The following MED18 variants were observed in gnomAD, a reference collection of about 807,000 sequenced individuals.
The protein encoded by MED18 is mediator complex subunit 18, also known as mediator of RNA polymerase II transcription subunit 18.
A neutral mutation model predicts 13.9 loss-of-function variants in MED18; 10 were observed. That is an observed-to-expected ratio of 0.72 (90% CI 0.44 to 1.22). The LOEUF is 1.22. Among genes scored for constraint, MED18 ranks in the 50% most tolerant of loss-of-function variants. The pLI is 0.00. For missense variants in MED18, 216 were observed against 279.0 expected (o/e 0.77, Z 1.61); for synonymous variants, 88 against 93.2 (o/e 0.94, Z 0.32).
rs1349274249 is a variant in MED18, at chr1:28,334,661, G to A, written c.318G>A (p.Val106=). Residue 106 remains valine (V), a synonymous_variant, in exon 3 of 3, where the codon GTG becomes GTA. Coordinates refer to ENST00000373842, the MANE Select transcript of MED18 (RefSeq NM_017638.3). ...GCCATGCCCTGGTGCGAAACTGCGT[G>A]GACATTGCCACATCTGAGAACCTCA... ...KNRHALVRNC[V]DIATSENLTD... is the part of the protein sequence containing the mutation. 7.4e-6 allele frequency: 12 copies of A among 1,614,186 alleles called. No homozygotes were observed. The highest frequency in any genetic ancestry group is 1.0e-5 in the Non-Finnish European group (12 of 1,180,030).
rs546917542 is a variant in MED18, at chr1:28,330,704, C to T, written c.42C>T (p.Gly14=). The change falls in exon 2 of 3, where the codon GGC becomes GGT. Residue 14 remains glycine (G), a synonymous_variant. Coordinates refer to ENST00000373842, the MANE Select transcript of MED18 (RefSeq NM_017638.3). ...TCACCATGATGCCTGTCACTGGGGG[C>T]ACCATTAACATGATGGAGTACCTGT... ...PPVTMMPVTG[G]TINMMEYLLQ... is the part of the protein sequence containing the mutation. 3.1e-6 allele frequency: 5 copies of T among 1,602,904 alleles called. No homozygotes were observed. The South Asian group carries it at 5.6e-5, about 18-fold the overall frequency.
At chr1:28,333,551 A>G (rs1162207598) in intron 2 of MED18, among the ~76,000 whole-genome samples, 1 of 152,194 alleles carries the variant, frequency 6.6e-6, no homozygotes, top group Non-Finnish European at 1.5e-5. Flanking sequence ...CAGAAGAGGA[A>G]AACTTTTCCT....
rs1649862942 is a variant in MED18 at position 28,334,579 on chromosome 1, C to CA, written c.237dup (p.Gly80ArgfsTer33). 1 of 1,614,158 alleles carries CA rather than the reference C, an allele frequency of 6.2e-7. No individual in the cohort carries two copies. Among genetic ancestry groups the CA allele is most frequent in the African/African-American group, 1.3e-5 (1 of 75,046 alleles). On this transcript the variant is annotated frameshift_variant, in exon 3 of 3. Transcript: ENST00000373842. LOFTEE classifies it high-confidence loss of function. ...AGGGCCCGACGCTCTATGGACAGGG[C>CA]AGGGGCACCCTGGCATCTGCGCTAC...
chr1:28,331,911 T>G (rs1029474818), intron 2 of MED18, among the ~76,000 whole-genome samples: 2 of 152,064 alleles, frequency 1.3e-5, no homozygotes, highest in African/African-American at 4.8e-5. Context: ...GCCAGCTAAT[T>G]TTTGTATTTT....
At chr1:28,331,873 A>G (rs1189442725) in intron 2 of MED18, among the ~76,000 whole-genome samples, 1 of 151,958 alleles carries the variant, frequency 6.6e-6, no homozygotes, top group Non-Finnish European at 1.5e-5. Flanking sequence ...CCTCCTGAGT[A>G]GCGGGATTAC....
In MED18 at chr1:28,334,979, A is replaced by T; in HGVS notation, c.*9A>T. The stretch of plus-strand genomic sequence containing the variant: ...CCAAGAGGCTCATGTGACTAAGAGG[A>T]TCTGTCCACATTTGGGGCCTATCCT... On this transcript the variant is annotated 3_prime_UTR_variant, in exon 3 of 3. Coordinates refer to ENST00000373842, the MANE Select transcript of MED18 (RefSeq NM_017638.3). The T allele has an allele frequency of 6.2e-7, 1 of 1,602,828 alleles. No individual in the cohort carries two copies. The highest frequency in any genetic ancestry group is 8.5e-7 in the Non-Finnish European group (1 of 1,172,012).
chr1:28,334,889 C>T lies in MED18; in HGVS notation c.546C>T (p.Val182=). 1 of 1,614,118 alleles carries T rather than the reference C, an allele frequency of 6.2e-7. No individual in the cohort carries two copies. Among genetic ancestry groups the T allele is most frequent in the Non-Finnish European group, 8.5e-7 (1 of 1,180,020 alleles). Residue 182 remains valine (V), a synonymous_variant, in exon 3 of 3, where the codon GTC becomes GTT. Transcript: ENST00000373842. ...TAGCACCCGCTGGGCAGGACATGGTCTCTGATGACATGAAGAACTTCGCAG... is the reference window on the plus strand; with the variant it reads ...TAGCACCCGCTGGGCAGGACATGGTTTCTGATGACATGAAGAACTTCGCAG... ...SVVAPAGQDM[V]SDDMKNFAEQ...
rs1339762484 is a variant in MED18 at position 28,334,875 on chromosome 1, GGGCAGGACAT to G, written c.535_544del (p.Gln179SerfsTer5). ...GGAATTAAGTGTGGTAGCACCCGCTGGGCAGGACATGGTCTCTGATGACATGAAGAACTTC... is the reference window on the plus strand; with the variant it reads ...GGAATTAAGTGTGGTAGCACCCGCTGGGTCTCTGATGACATGAAGAACTTC... On this transcript the variant is annotated frameshift_variant, in exon 3 of 3. Coordinates refer to ENST00000373842, the MANE Select transcript of MED18 (RefSeq NM_017638.3). LOFTEE classifies it high-confidence loss of function. 3.1e-6 allele frequency: 5 copies of G among 1,614,000 alleles called. No homozygotes were observed. Among genetic ancestry groups the G allele is most frequent in the Admixed American group, 1.7e-5 (1 of 59,968 alleles).
In MED18 at chr1:28,334,792, G is replaced by T. The variant is rs761551850; in HGVS notation, c.449G>T (p.Arg150Leu). The T allele has an allele frequency of 2.5e-6, 4 of 1,614,124 alleles. No homozygotes were observed. In the Admixed American group the frequency reaches 6.7e-5, roughly 27 times the overall value. ...IMKIMVYKIF[R>L]ILVPGNTDST... ...AAGATTATGGTGTACAAGATTTTCC[G>T]CATCCTGGTGCCAGGGAACACAGAC... The change falls in exon 3 of 3, where the codon CGC (arginine) becomes CTC (leucine). Residue 150 changes from arginine to leucine, a missense_variant. Coordinates refer to ENST00000373842, the MANE Select transcript of MED18 (RefSeq NM_017638.3).
chr1:28,329,968 G>A (rs1649653895), intron 1 of MED18, among the ~76,000 whole-genome samples: 1 of 152,034 alleles, frequency 6.6e-6, no homozygotes, highest in Non-Finnish European at 1.5e-5. Flanking sequence ...AGCCTTGGGA[G>A]TTAAAAATCA....
chr1:28,332,941 A>C (rs1649791574), intron 2 of MED18, among the ~76,000 whole-genome samples: 1 of 152,254 alleles, frequency 6.6e-6, no homozygotes, highest in African/African-American at 2.4e-5. Flanking sequence ...AAGTGATTGC[A>C]TTCTGCATTT....
intron 2 of MED18, among the ~76,000 whole-genome samples, chr1:28,333,757 G>A (rs1196780512): frequency 2.6e-5 from 4 of 152,190 alleles, no homozygotes; most frequent in Non-Finnish European, 5.9e-5. Context: ...TTACTCAGGA[G>A]GCTGAGGCAG....
Position 28,334,761 on chromosome 1 carries a change from A to T in MED18, c.418A>T (p.Ile140Phe). ...VAKGHLFRKG[I>F]MKIMVYKIFR... is the part of the protein sequence containing the mutation. ...TAAGGGACATTTGTTCCGTAAGGGC[A>T]TCATGAAGATTATGGTGTACAAGAT... is the stretch of plus-strand genomic sequence containing the variant. Residue 140 changes from isoleucine to phenylalanine, a missense_variant, in exon 3 of 3, where the codon ATC (isoleucine) becomes TTC (phenylalanine). By Grantham distance (21) the Ile-to-Phe change is conservative (BLOSUM62 0). Transcript: ENST00000373842. 6.2e-7 allele frequency: 1 copy of T among 1,614,228 alleles called. No individual in the cohort carries two copies. Among genetic ancestry groups the T allele is most frequent in the Non-Finnish European group, 8.5e-7 (1 of 1,180,048 alleles).
At chr1:28,333,641 C>T (rs561605121) in intron 2 of MED18, among the ~76,000 whole-genome samples, 1 of 152,316 alleles carries the variant, frequency 6.6e-6, no homozygotes. Flanking sequence ...GCAGGCGGAT[C>T]ACGAGGTCAA....
rs746391682 is a variant in MED18 at position 28,334,461 on chromosome 1, C to T, written c.118C>T (p.Arg40Cys). ...HSLESLIHRL[R>C]GLCDNMEPET... ...TTTGGAAAGCCTCATCCACCGCCTT[C>T]GTGGTTTGTGTGACAACATGGAACC... The change falls in exon 3 of 3, where the codon CGT (arginine) becomes TGT (cysteine). Residue 40 changes from arginine to cysteine, a missense_variant. Physicochemically the swap from Arg to Cys is radical, Grantham distance 180. Transcript: ENST00000373842. 9.3e-6 allele frequency: 15 copies of T among 1,614,164 alleles called. No homozygotes were observed. The highest frequency in any genetic ancestry group is 1.2e-5 in the Non-Finnish European group (14 of 1,180,022).
intron 2 of MED18, among the ~76,000 whole-genome samples, chr1:28,332,142 C>A (rs966410763): frequency 1.3e-5 from 2 of 152,158 alleles, no homozygotes; most frequent in Non-Finnish European, 2.9e-5. Context: ...CCAGCTGTTA[C>A]AGGCTTATGC....
chr1:28,334,782 A>G lies in MED18; in HGVS notation c.439A>G (p.Lys147Glu), dbSNP rs1379626555. Residue 147 changes from lysine (K) to glutamate (E), a missense_variant, in exon 3 of 3, where the codon AAG becomes GAG. By Grantham distance (56) the Lys-to-Glu change is moderately conservative. Transcript: ENST00000373842. ...GGGCATCATGAAGATTATGGTGTACAAGATTTTCCGCATCCTGGTGCCAGG... is the reference window on the plus strand; with the variant it reads ...GGGCATCATGAAGATTATGGTGTACGAGATTTTCCGCATCCTGGTGCCAGG... Reference protein sequence around the residue: ...RKGIMKIMVYKIFRILVPGNT... With the variant: ...RKGIMKIMVYEIFRILVPGNT... 8.1e-6 allele frequency: 13 copies of G among 1,614,192 alleles called. No individual in the cohort carries two copies. The highest frequency in any genetic ancestry group is 1.1e-5 in the South Asian group (1 of 91,084).
intron 2 of MED18, among the ~76,000 whole-genome samples, chr1:28,331,051 C>T (rs1185917470): frequency 3.3e-5 from 5 of 151,528 alleles, no homozygotes; most frequent in Admixed American, 6.6e-5. Context: ...GAAATTAGCC[C>T]GGCGTGGTGG....
Position 28,334,624 on chromosome 1 carries a change from G to T in MED18, c.281G>T (p.Gly94Val). 11 of 1,614,160 alleles carry T rather than the reference G, an allele frequency of 6.8e-6. No individual in the cohort carries two copies. The highest frequency in any genetic ancestry group is 8.5e-6 in the Non-Finnish European group (10 of 1,179,994). The part of the protein sequence containing the change: ...HLRYLGQPEM[G>V]DKNRHALVRN... ...CGCTACCTGGGACAGCCAGAAATGG[G>T]AGACAAGAACCGCCATGCCCTGGTG... is the stretch of plus-strand genomic sequence containing the variant. Residue 94 changes from glycine to valine, a missense_variant, in exon 3 of 3, where the codon GGA (glycine) becomes GTA (valine). Gly to Val is a moderately radical substitution (Grantham distance 109). Coordinates refer to ENST00000373842, the MANE Select transcript of MED18 (RefSeq NM_017638.3).
Sources: gnomAD v4.1 joint callset for allele counts (sites outside exome capture counted in the v4.1 genomes callset) on GRCh38, gnomAD v4.1.1 for gene constraint, MANE v1.5 for transcripts, NCBI Gene and HGNC (gene_info 2026-07-23, HGNC 2026-07-21) for gene names.